ST7: variants seen among roughly 807,000 people sequenced by gnomAD.
The protein encoded by ST7 is suppression of tumorigenicity 7, also known as suppressor of tumorigenicity 7 protein.
ST7 carries 28 observed loss-of-function variants against 78.7 expected under a neutral mutation model. That is an observed-to-expected ratio of 0.36 (90% CI 0.26 to 0.49). ST7 has a LOEUF of 0.49. Ranked by LOEUF, ST7 falls within the 20% of genes least tolerant of loss-of-function variation. ST7 has a pLI of 0.99. For synonymous variants in ST7, 247 were observed against 249.6 expected (o/e 0.99, Z 0.10); for missense variants, 418 against 696.0 (o/e 0.60, Z 4.49).
intron 10 of ST7, among the ~76,000 whole-genome samples, chr7:117,174,669 A>G (rs1332242418): frequency 1.3e-5 from 2 of 152,160 alleles, no homozygotes; most frequent in African/African-American, 4.8e-5. Context: ...TTTTATTAAT[A>G]CCATTGTTCT....
At chr7:117,109,911 A>G (rs1392547648) in intron 2 of ST7, among the ~76,000 whole-genome samples, 1 of 152,250 alleles carries the variant, frequency 6.6e-6, no homozygotes, top group Non-Finnish European at 1.5e-5. Context: ...TAAATGTGAT[A>G]CACCATATAA....
intron 3 of ST7, among the ~76,000 whole-genome samples, chr7:117,128,081 C>T (rs1005817768): frequency 6.6e-6 from 1 of 151,822 alleles, no homozygotes; most frequent in African/African-American, 2.4e-5. Flanking sequence ...CCCCAAATGT[C>T]CTTGTTTTAT....
chr7:117,103,750 A>G (rs1320962068), intron 2 of ST7, among the ~76,000 whole-genome samples: 1 of 152,222 alleles, frequency 6.6e-6, no homozygotes, highest in African/African-American at 2.4e-5. Flanking sequence ...GACAAATGGG[A>G]TTATATCAAG....
chr7:117,166,328 G>C (rs968797948), intron 9 of ST7, among the ~76,000 whole-genome samples: 1 of 151,966 alleles, frequency 6.6e-6, no homozygotes, highest in African/African-American at 2.4e-5. Flanking sequence ...CATTTCCCAG[G>C]CTATGCTGTT....
intron 1 of ST7, among the ~76,000 whole-genome samples, chr7:117,093,493 G>C (rs1800786069): frequency 6.6e-6 from 1 of 152,196 alleles, no homozygotes; most frequent in African/African-American, 2.4e-5. Context: ...GTGAGGTCAG[G>C]AGTTTGAGAC....
At chr7:117,163,180 G>T (rs1807286867) in intron 9 of ST7, among the ~76,000 whole-genome samples, 2 of 152,138 alleles carry the variant, frequency 1.3e-5, no homozygotes, top group South Asian at 2.1e-4. Context: ...TTCATCTGTT[G>T]TTGGACACCT....
At chr7:117,136,603 G>T in intron 8 of ST7, 1 of 405,430 alleles carries the variant, frequency 2.5e-6, no homozygotes, top group South Asian at 3.6e-5. Flanking sequence ...TAGCCATAGT[G>T]TTAGCAAAGG....
intron 1 of ST7, among the ~76,000 whole-genome samples, chr7:117,029,702 A>T (rs1796377404): frequency 6.6e-6 from 1 of 151,262 alleles, no homozygotes; most frequent in African/African-American, 2.4e-5. Flanking sequence ...TATGTGTGCT[A>T]TGATCCATCT....
At chr7:117,024,185 A>G (rs1796076565) in intron 1 of ST7, among the ~76,000 whole-genome samples, 1 of 152,210 alleles carries the variant, frequency 6.6e-6, no homozygotes, top group African/African-American at 2.4e-5. Flanking sequence ...TTAAAATTTT[A>G]TAAGAGGAGA....
intron 1 of ST7, among the ~76,000 whole-genome samples, chr7:117,042,065 T>C (rs1458408692): frequency 6.6e-6 from 1 of 152,224 alleles, no homozygotes; most frequent in Non-Finnish European, 1.5e-5. Flanking sequence ...CTTTGAGAAA[T>C]ATTCTTGCAT....
At chr7:117,226,113 A>G (rs1321669669) in intron 15 of ST7, among the ~76,000 whole-genome samples, 3 of 152,106 alleles carry the variant, frequency 2.0e-5, no homozygotes, top group African/African-American at 7.2e-5. Flanking sequence ...GACCTCTTTG[A>G]AGCCTGATAT....
intron 1 of ST7, chr7:116,972,291 C>T: frequency 1.7e-6 from 1 of 575,866 alleles, no homozygotes; most frequent in African/African-American, 1.8e-5. Flanking sequence ...CTACCGATCT[C>T]TCAGCAAACC....
intron 12 of ST7, among the ~76,000 whole-genome samples, chr7:117,200,658 CGG>C (rs1234709705): frequency 6.6e-6 from 1 of 151,960 alleles, no homozygotes; most frequent in African/African-American, 2.4e-5. Flanking sequence ...ATTTCAGCAG[CGG>C]GGCAGACTGG....
intron 13 of ST7, among the ~76,000 whole-genome samples, chr7:117,218,299 G>C (rs1266867203): frequency 6.6e-6 from 1 of 152,146 alleles, no homozygotes; most frequent in Non-Finnish European, 1.5e-5. Flanking sequence ...TTACCTCCGT[G>C]AGTACTGTTC....
chr7:117,118,676 C>T (rs1451482539), intron 2 of ST7, among the ~76,000 whole-genome samples: 1 of 151,994 alleles, frequency 6.6e-6, no homozygotes, highest in East Asian at 1.9e-4. Context: ...TAAGGAAACC[C>T]CCAGTCAGGG....
intron 12 of ST7, among the ~76,000 whole-genome samples, chr7:117,192,215 T>C (rs922784931): frequency 6.6e-6 from 1 of 152,208 alleles, no homozygotes; most frequent in African/African-American, 2.4e-5. Flanking sequence ...ATGAAAAAAT[T>C]ATCCTGAATT....
At chr7:117,174,658 T>C (rs1213445717) in intron 10 of ST7, among the ~76,000 whole-genome samples, 1 of 152,200 alleles carries the variant, frequency 6.6e-6, no homozygotes, top group African/African-American at 2.4e-5. Flanking sequence ...ATTTAAATTG[T>C]TTTTATTAAT....
intron 1 of ST7, among the ~76,000 whole-genome samples, chr7:117,046,163 G>GT (rs1001349731): frequency 1.8e-4 from 27 of 151,066 alleles, no homozygotes; most frequent in South Asian, 4.2e-4. Flanking sequence ...TGTTGGTGGT[G>GT]TTTTTTTTTG....
intron 1 of ST7, among the ~76,000 whole-genome samples, chr7:117,070,752 C>T (rs1003882832): frequency 2.0e-5 from 3 of 151,860 alleles, no homozygotes; most frequent in African/African-American, 7.3e-5. Context: ...ACGGTGTTAG[C>T]CAGGAAGGTC....
Sources: gnomAD v4.1 joint callset for allele counts (sites outside exome capture counted in the v4.1 genomes callset) on GRCh38, gnomAD v4.1.1 for gene constraint, MANE v1.5 for transcripts, NCBI Gene and HGNC (gene_info 2026-07-23, HGNC 2026-07-21) for gene names.